The following BTC variants were observed in gnomAD, a reference collection of about 807,000 sequenced individuals.
BTC encodes betacellulin, also known as probetacellulin.
A neutral mutation model predicts 18.1 loss-of-function variants in BTC; 13 were observed. That is an observed-to-expected ratio of 0.72 (90% confidence interval 0.47 to 1.14). The LOEUF is 1.14. Ranked by LOEUF, BTC falls within the 50% of genes most tolerant of loss-of-function variation. The probability of loss-of-function intolerance (pLI) is 0.00; values close to 1 mark genes in which losing one functional copy is unlikely to be tolerated. For synonymous variants in BTC, 83 were observed against 79.4 expected (o/e 1.05, Z -0.24); for missense variants, 247 against 224.2 (o/e 1.10, Z -0.65).
At chr4:74,794,154 C>T (rs1725707994) in intron 1 of BTC, 108 bp downstream of exon 1, 1 of 1,412,162 alleles carries the variant, frequency 7.1e-7, no homozygotes, top group African/African-American at 1.4e-5. Flanking sequence ...CCTGCCAGCC[C>T]CAGCGCGCCC....
At chr4:74,788,321 C>T (rs555004844) in intron 1 of BTC, among the ~76,000 whole-genome samples, 1 of 152,274 alleles carries the variant, frequency 6.6e-6, no homozygotes, top group African/African-American at 2.4e-5. Flanking sequence ...TTTAATTCTT[C>T]TCCCATTTTT....
At chr4:74,772,961 A>T (rs938817645) in intron 1 of BTC, among the ~76,000 whole-genome samples, 1 of 152,180 alleles carries the variant, frequency 6.6e-6, no homozygotes, top group Non-Finnish European at 1.5e-5. Context: ...TTTGTTTCAC[A>T]TGCTGGTGTC....
intron 1 of BTC, among the ~76,000 whole-genome samples, chr4:74,790,775 A>T (rs778437979): frequency 6.6e-6 from 1 of 152,170 alleles, no homozygotes; most frequent in Non-Finnish European, 1.5e-5. Flanking sequence ...CCAACTGAAC[A>T]TTATTAGTCA....
At chr4:74,786,439 C>T (rs1403940560) in intron 1 of BTC, among the ~76,000 whole-genome samples, 1 of 152,200 alleles carries the variant, frequency 6.6e-6, no homozygotes, top group Admixed American at 6.5e-5. Context: ...ACTAAATAAG[C>T]TAGAGATTCT....
At chr4:74,768,567 A>C (rs1724959321) in intron 2 of BTC, among the ~76,000 whole-genome samples, 1 of 152,188 alleles carries the variant, frequency 6.6e-6, no homozygotes, top group Non-Finnish European at 1.5e-5. Context: ...CCAAATTTAT[A>C]GAAGCAGATA....
chr4:74,749,285 G>A (rs1472289851), intron 4 of BTC, among the ~76,000 whole-genome samples: 1 of 151,902 alleles, frequency 6.6e-6, no homozygotes, highest in African/African-American at 2.4e-5. Context: ...AAATTAGTTG[G>A]GTGTGGTGGC....
chr4:74,769,393 T>C (rs1182140620), intron 2 of BTC, among the ~76,000 whole-genome samples: 1 of 152,114 alleles, frequency 6.6e-6, no homozygotes, highest in Non-Finnish European at 1.5e-5. Flanking sequence ...AACTAAAGTT[T>C]TACTGAAACA....
chr4:74,793,404 G>A (rs546849860), intron 1 of BTC, among the ~76,000 whole-genome samples: 1 of 152,260 alleles, frequency 6.6e-6, no homozygotes, highest in Non-Finnish European at 1.5e-5. Context: ...CTTGAAGGTA[G>A]GAGTGATATC....
chr4:74,768,238 C>T (rs530095488), intron 2 of BTC, among the ~76,000 whole-genome samples: 1 of 152,192 alleles, frequency 6.6e-6, no homozygotes, highest in African/African-American at 2.4e-5. Context: ...AAAGAACTCT[C>T]ACAATTCAAT....
Position 74,750,668 on chromosome 4 carries a change from G to T in BTC, c.333C>A (p.Tyr111Ter). 6.2e-7 allele frequency: 1 copy of T among 1,613,818 alleles called. No individual in the cohort carries two copies. Among genetic ancestry groups the T allele is most frequent in the African/African-American group, 1.3e-5 (1 of 74,984 alleles). The change falls in exon 4 of 6, where the codon TAC (tyrosine) becomes TAA (stop). Residue 111 changes from tyrosine to a stop codon, truncating the protein, a stop_gained. Coordinates refer to ENST00000395743, the MANE Select transcript of BTC (RefSeq NM_001729.4). LOFTEE classifies it high-confidence loss of function. ...GAATCTGTCCTCTGTCTCCTCTTAGGTAAAACAAGTCAACTCTCTCACACC... is the reference window on the plus strand; with the variant it reads ...GAATCTGTCCTCTGTCTCCTCTTAGTTAAAACAAGTCAACTCTCTCACACC... ...GARCERVDLF[Y>*]LRGDRGQILV...
At chr4:74,786,862 C>A (rs894350886) in intron 1 of BTC, among the ~76,000 whole-genome samples, 6 of 152,132 alleles carry the variant, frequency 3.9e-5, no homozygotes, top group Non-Finnish European at 8.8e-5. Flanking sequence ...GTGAAAGAAT[C>A]TCTAGCACTG....
chr4:74,769,967 T>C, intron 2 of BTC, 91 bp downstream of exon 2: 2 of 1,082,932 alleles, frequency 1.8e-6, no homozygotes, highest in South Asian at 2.8e-5. Flanking sequence ...GGTACCTTAA[T>C]ATATGTTCAA....
At chr4:74,791,969 TCACACACA>T (rs3087019) in intron 1 of BTC, among the ~76,000 whole-genome samples, 180 of 134,244 alleles carry the variant, frequency 1.3e-3, no homozygotes, top group African/African-American at 3.4e-3. Flanking sequence ...TTCCACCATC[TCACACACA>T]CACACACACA....
intron 1 of BTC, among the ~76,000 whole-genome samples, chr4:74,772,005 T>A (rs1210099261): frequency 6.6e-6 from 1 of 152,184 alleles, no homozygotes. Flanking sequence ...GAATAGAACA[T>A]CTTGTGTTCC....
intron 1 of BTC, among the ~76,000 whole-genome samples, chr4:74,782,527 T>C (rs536217916): frequency 2.6e-5 from 4 of 152,322 alleles, no homozygotes; most frequent in African/African-American, 9.6e-5. Context: ...GCTGATTCCG[T>C]ATATTTGCTA....
chr4:74,752,537 G>GC (rs1299482333), intron 3 of BTC, among the ~76,000 whole-genome samples: 1 of 151,854 alleles, frequency 6.6e-6, no homozygotes, highest in African/African-American at 2.4e-5. Flanking sequence ...GCGCCACCAT[G>GC]CCCAGCTAAT....
At chr4:74,762,387 A>T (rs1278818836) in intron 2 of BTC, among the ~76,000 whole-genome samples, 2 of 152,178 alleles carry the variant, frequency 1.3e-5, no homozygotes, top group Non-Finnish European at 2.9e-5. Flanking sequence ...TCATTTGAAA[A>T]AGGGAATAAT....
At chr4:74,748,353 G>A (rs1361446906) in intron 4 of BTC, among the ~76,000 whole-genome samples, 1 of 152,046 alleles carries the variant, frequency 6.6e-6, no homozygotes, top group African/African-American at 2.4e-5. Flanking sequence ...TTGAGACCAC[G>A]CTGAAACCCC....
chr4:74,782,044 C>T (rs1179923451), intron 1 of BTC, among the ~76,000 whole-genome samples: 2 of 152,124 alleles, frequency 1.3e-5, no homozygotes, highest in Non-Finnish European at 2.9e-5. Flanking sequence ...GCATGCCAGG[C>T]ACTATGCTAG....
Sources: allele counts gnomAD v4.1 joint callset (sites outside exome capture counted in the v4.1 genomes callset), GRCh38; gene constraint gnomAD v4.1.1; transcripts MANE v1.5; gene names NCBI Gene and HGNC (gene_info 2026-07-23, HGNC 2026-07-21).